GMIP: variants seen among roughly 807,000 people sequenced by gnomAD.
GMIP encodes GEM-interacting protein.
In GMIP, 54 loss-of-function variants were observed where a neutral mutation model predicts 105.3. That is an observed-to-expected ratio of 0.51 (90% confidence interval 0.41 to 0.64). The LOEUF (loss-of-function observed/expected upper bound fraction) is 0.64, where lower values mean the gene tolerates loss of function less well. GMIP is among the 30% of genes least tolerant of loss of function. The pLI is 0.00. For missense variants in GMIP, 1,110 were observed against 1,319.4 expected, an observed-to-expected ratio of 0.84 and a Z score of 2.46; for synonymous variants, 541 against 560.8, an observed-to-expected ratio of 0.96 and a Z score of 0.50.
intron 2 of GMIP, 62 bp from the exon 3 acceptor site, chr19:19,642,113 T>C (rs2061928691): frequency 8.9e-7 from 1 of 1,129,434 alleles, no homozygotes; most frequent in Non-Finnish European, 1.3e-6. Context: ...CAAGGGGTGC[T>C]GGGGACCTTA....
chr19:19,642,102 C>T (rs2061928557), intron 2 of GMIP, 51 bp from the exon 3 acceptor site: 1 of 1,269,100 alleles, frequency 7.9e-7, no homozygotes, highest in Non-Finnish European at 1.1e-6. Context: ...GTCTGTCCTG[C>T]CAAGGGGTGC....
In GMIP at chr19:19,642,571, C is replaced by G. The variant is rs556649623; in HGVS notation, c.68G>C (p.Arg23Pro). ...TGAGATTTCGAGGTTGTCCAGGCTC[C>G]GGAAGATGTCACTGTACCTCTTCCT... Reference protein sequence around the residue: ...EGRKRYSDIFRSLDNLEISLG... With the variant: ...EGRKRYSDIFPSLDNLEISLG... Residue 23 changes from arginine (R) to proline (P), a missense_variant, in exon 2 of 21, where the codon CGG (arginine) becomes CCG (proline). By Grantham distance (103) the Arg-to-Pro change is moderately radical (BLOSUM62 -2). Around this residue, in one of 3 missense-constraint regions of GMIP, gnomAD observed 667 missense variants for 773.2 expected, o/e 0.86. Coordinates refer to ENST00000203556, the MANE Select transcript of GMIP (RefSeq NM_016573.4). 1 of 1,610,900 alleles carries G rather than the reference C, an allele frequency of 6.2e-7. No individual in the cohort carries two copies. The highest frequency in any genetic ancestry group is 8.5e-7 in the Non-Finnish European group (1 of 1,177,578).
Position 19,635,079 on chromosome 19 carries a change from G to A in GMIP, c.1695C>T (p.Pro565=), listed in dbSNP as rs2061839334. ...CAGCCGTGCACTTCGTGACCACAAA[G>A]GGTACCTCCTCCGGGAAGTCCCTGG... The part of the protein sequence containing the change: ...QLPRDFPEEV[P]FVVTKCTAEI... Residue 565 remains proline, a synonymous_variant, in exon 16 of 21, where the codon CCC becomes CCT. Transcript: ENST00000203556. This position sits in a 1 kb window ranked among gnomAD's most constrained non-coding sequence, Gnocchi z 4.7. 6.2e-7 allele frequency: 1 copy of A among 1,614,046 alleles called. No individual in the cohort carries two copies. Among genetic ancestry groups the A allele is most frequent in the Non-Finnish European group, 8.5e-7 (1 of 1,180,006 alleles).
rs1463407523 is a variant in GMIP at position 19,634,943 on chromosome 19, G to A, written c.1750-14C>T. 1.2e-6 allele frequency: 2 copies of A among 1,613,758 alleles called. No homozygotes were observed. The highest frequency in any genetic ancestry group is 2.2e-5 in the East Asian group (1 of 44,890). On this transcript the variant is annotated splice_polypyrimidine_tract_variant and intron_variant, in intron 16 of 20. Coordinates refer to ENST00000203556, the MANE Select transcript of GMIP (RefSeq NM_016573.4). This position sits in a 1 kb window ranked among gnomAD's most constrained non-coding sequence, Gnocchi z 6.1. ...CCGGTAAATGCCCTGCAGGGTGAGG[G>A]TGAAAAACAGACACCTGGTTCGTGA...
At position 19,637,316 on chromosome 19, in the gene GMIP, G is replaced by A; in HGVS notation, c.1124+49C>T. 7.9e-7 allele frequency: 1 copy of A among 1,260,066 alleles called. No individual in the cohort carries two copies. The highest frequency in any genetic ancestry group is 1.1e-6 in the Non-Finnish European group (1 of 913,866). 78.1% of individuals were successfully genotyped at this position (1,260,066 alleles called of 1,614,324 possible). ...ACCAGCCTGCGGTGCCAACAGCCTGGCATCGCGATTCCGGGGCTCGTTCCC... is the reference window on the plus strand; with the variant it reads ...ACCAGCCTGCGGTGCCAACAGCCTGACATCGCGATTCCGGGGCTCGTTCCC... On this transcript the variant is annotated intron_variant, in intron 11 of 20. Coordinates refer to ENST00000203556, the MANE Select transcript of GMIP (RefSeq NM_016573.4). This position sits in a 1 kb window ranked among gnomAD's most constrained non-coding sequence, Gnocchi z 6.7.
chr19:19,635,882 G>A lies in GMIP; in HGVS notation c.1328-161C>T, dbSNP rs889767177. On this transcript the variant is annotated intron_variant, in intron 13 of 20. Coordinates refer to ENST00000203556, the MANE Select transcript of GMIP (RefSeq NM_016573.4). The surrounding 1 kb of genome is among the most constrained non-coding windows in gnomAD (Gnocchi z 4.7). ...TGGAGAATTGGGTCAGCAACCTGAG[G>A]GGGGTGGTTCATAAGCTGGATCAAG... Among the ~76,000 whole-genome samples the A allele has an allele frequency of 6.6e-6, 1 of 152,172 alleles. No individual in the cohort carries two copies. Among genetic ancestry groups the A allele is most frequent in the African/African-American group, 2.4e-5 (1 of 41,440 alleles).
Position 19,634,645 on chromosome 19 carries a change from G to T in GMIP, c.1946C>A (p.Thr649Asn). The T allele has an allele frequency of 1.2e-6, 2 of 1,613,318 alleles. No homozygotes were observed. The highest frequency in any genetic ancestry group is 1.7e-6 in the Non-Finnish European group (2 of 1,179,688). Residue 649 changes from threonine (T) to asparagine (N), a missense_variant, in exon 18 of 21, where the codon ACC (threonine) becomes AAC (asparagine). Physicochemically the swap from Thr to Asn is moderately conservative, Grantham distance 65 (BLOSUM62 0). Transcript: ENST00000203556. This position sits in a 1 kb window ranked among gnomAD's most constrained non-coding sequence, Gnocchi z 6.1. ...GTCGTCCCCAGGGTCTGCATGCAAG[G>T]TCTTAGCCAGAGAGATGAAGGCGTC... ...LYDAFISLAK[T>N]LHADPGDDPG... is the part of the protein sequence containing the mutation.
rs560050171 is a variant in GMIP, at chr19:19,634,762, C to T, written c.1887+30G>A. 2.7e-5 allele frequency: 44 copies of T among 1,611,788 alleles called. 1 individual carries two copies. The South Asian group carries it at 3.2e-4, about 12-fold the overall frequency. ...GGGTGGGCTGTGGAGGGCTCCTGCCCGCGTCCCCCTCAGTGTCCTGAGCAC... is the reference window on the plus strand; with the variant it reads ...GGGTGGGCTGTGGAGGGCTCCTGCCTGCGTCCCCCTCAGTGTCCTGAGCAC... On this transcript the variant is annotated intron_variant, in intron 17 of 20. Coordinates refer to ENST00000203556, the MANE Select transcript of GMIP (RefSeq NM_016573.4). This position sits in a 1 kb window ranked among gnomAD's most constrained non-coding sequence, Gnocchi z 6.1.
At position 19,638,348 on chromosome 19, in the gene GMIP, G is replaced by C. The variant is rs1476053686; in HGVS notation, c.619-19C>G. ...CCTCATTCTGGGGGATGATGAGAAG[G>C]TCAGCGTCCCGGCCTCTCTCTCACC... On this transcript the variant is annotated intron_variant, in intron 8 of 20. Coordinates refer to ENST00000203556, the MANE Select transcript of GMIP (RefSeq NM_016573.4). The C allele has an allele frequency of 1.9e-6, 3 of 1,613,938 alleles. No homozygotes were observed. Among genetic ancestry groups the C allele is most frequent in the Non-Finnish European group, 2.5e-6 (3 of 1,179,990 alleles).
Position 19,636,810 on chromosome 19 carries a change from G to T in GMIP, c.1238-14C>A. 1 of 1,603,850 alleles carries T rather than the reference G, an allele frequency of 6.2e-7. No individual in the cohort carries two copies. Among genetic ancestry groups the T allele is most frequent in the Non-Finnish European group, 8.5e-7 (1 of 1,172,876 alleles). ...GGCCTGGAGTCCCTAGGTGGCACAGGTCAATAAGGATGGTCCCCTGCTCAC... is the reference window on the plus strand; with the variant it reads ...GGCCTGGAGTCCCTAGGTGGCACAGTTCAATAAGGATGGTCCCCTGCTCAC... On this transcript the variant is annotated splice_polypyrimidine_tract_variant and intron_variant, in intron 12 of 20. Transcript: ENST00000203556.
chr19:19,631,930 G>T (rs568870587), intron 19 of GMIP, among the ~76,000 whole-genome samples: 10 of 150,924 alleles, frequency 6.6e-5, no homozygotes, highest in Non-Finnish European at 1.5e-4. Context: ...AGAGCTTGCA[G>T]TGAGCCAAGA....
chr19:19,637,236 C>G lies in GMIP; in HGVS notation c.1124+129G>C, dbSNP rs1013401049. ...AACCCATTCACCCTCCTATGGCCCC[C>G]GAGAGCCTGGAGTACTAAATTCCAC... On this transcript the variant is annotated intron_variant, in intron 11 of 20. Coordinates refer to ENST00000203556, the MANE Select transcript of GMIP (RefSeq NM_016573.4). The surrounding 1 kb of genome is among the most constrained non-coding windows in gnomAD (Gnocchi z 6.7). 3.6e-5 allele frequency: 26 copies of G among 721,154 alleles called. No individual in the cohort carries two copies. The Admixed American group carries it at 5.6e-4, about 15-fold the overall frequency. 44.7% of individuals were successfully genotyped at this position (721,154 alleles called of 1,614,324 possible). A position where few individuals can be genotyped will look rare whatever the true frequency, so the allele number is the denominator to read the frequency against.
chr19:19,642,701 G>A (rs1033941546), intron 1 of GMIP, 82 bp from the exon 2 acceptor site: 1 of 643,082 alleles, frequency 1.6e-6, no homozygotes, highest in Non-Finnish European at 2.9e-6. Flanking sequence ...TTTGGAGGGG[G>A]TGGAAGAGAA....
rs1428866677 is a variant in GMIP, at chr19:19,630,651, G to C, written c.2473-114C>G. On this transcript the variant is annotated intron_variant, in intron 19 of 20. Coordinates refer to ENST00000203556, the MANE Select transcript of GMIP (RefSeq NM_016573.4). The surrounding 1 kb of genome is among the most constrained non-coding windows in gnomAD (Gnocchi z 4.8). ...TGCAAAAGGAATAGCCAGTGCAAAG[G>C]CCCTGAGGTAGGAGCATGCCTGGTA... is the stretch of plus-strand genomic sequence containing the variant. The C allele has an allele frequency of 3.4e-6, 3 of 876,130 alleles. No homozygotes were observed. In the East Asian group the frequency reaches 7.3e-5, roughly 21 times the overall value. The allele number at this position is 876,130 out of a possible 1,614,324, so 54.3% of individuals were successfully genotyped here. A position where few individuals can be genotyped will look rare whatever the true frequency, so the allele number is the denominator to read the frequency against.
chr19:19,640,256 AG>A, intron 6 of GMIP, 39 bp downstream of exon 6: 1 of 1,347,252 alleles, frequency 7.4e-7, no homozygotes. Context: ...GTGGGGTTCT[AG>A]GGGGCTTGGG....
rs1035132253 is a variant in GMIP, at chr19:19,635,883, G to C, written c.1328-162C>G. ...GGAGAATTGGGTCAGCAACCTGAGGGGGGTGGTTCATAAGCTGGATCAAGA... is the reference window on the plus strand; with the variant it reads ...GGAGAATTGGGTCAGCAACCTGAGGCGGGTGGTTCATAAGCTGGATCAAGA... On this transcript the variant is annotated intron_variant, in intron 13 of 20. Coordinates refer to ENST00000203556, the MANE Select transcript of GMIP (RefSeq NM_016573.4). The surrounding 1 kb of genome is among the most constrained non-coding windows in gnomAD (Gnocchi z 4.7). 6.6e-6 allele frequency among the ~76,000 whole-genome samples: 1 copy of C among 152,142 alleles called. No individual in the cohort carries two copies. The highest frequency in any genetic ancestry group is 1.5e-5 in the Non-Finnish European group (1 of 68,030).
chr19:19,640,513 T>C lies in GMIP; in HGVS notation c.297A>G (p.Glu99=), dbSNP rs757011920. Reference sequence around the variant, plus strand: ...CATAGCGGCTCCAGGTCTTGGCATATTCCAGGGCTGCGTCCACACCCCCCT... The same window carrying C: ...CATAGCGGCTCCAGGTCTTGGCATACTCCAGGGCTGCGTCCACACCCCCCT... ...RTKGGVDAAL[E]YAKTWSRYAK... Residue 99 remains glutamate (E), a synonymous_variant, in exon 5 of 21, where the codon GAA becomes GAG. Transcript: ENST00000203556. 2 of 1,614,040 alleles carry C rather than the reference T, an allele frequency of 1.2e-6. No individual in the cohort carries two copies. The highest frequency in any genetic ancestry group is 1.7e-6 in the Non-Finnish European group (2 of 1,179,988).
chr19:19,633,305 G>A (rs2061815182), intron 19 of GMIP, among the ~76,000 whole-genome samples: 1 of 152,108 alleles, frequency 6.6e-6, no homozygotes, highest in Admixed American at 6.5e-5. Flanking sequence ...TGATTTGCCT[G>A]CCCCAGCATC....
At position 19,634,445 on chromosome 19, in the gene GMIP, A is replaced by G. The variant is rs1282189319; in HGVS notation, c.2084+62T>C. ...GTCAGTGTCAGGGGTCAGCCAGGGA[A>G]GTTAGTAGTCGCATGTCCAGGGAAA... is the stretch of plus-strand genomic sequence containing the variant. On this transcript the variant is annotated intron_variant, in intron 18 of 20. Transcript: ENST00000203556. The surrounding 1 kb of genome is among the most constrained non-coding windows in gnomAD (Gnocchi z 6.1). 7.3e-6 allele frequency: 10 copies of G among 1,362,736 alleles called. No individual in the cohort carries two copies. The highest frequency in any genetic ancestry group is 5.9e-5 in the African/African-American group (4 of 68,184). 84.4% of individuals were successfully genotyped at this position (1,362,736 alleles called of 1,614,324 possible).
Sources: gnomAD v4.1 joint callset for allele counts (sites outside exome capture counted in the v4.1 genomes callset) on GRCh38, gnomAD v4.1.1 for gene constraint, gnomAD v4.1.1 regional missense constraint, Gnocchi (gnomAD v3.1) non-coding constraint, MANE v1.5 for transcripts, NCBI Gene and HGNC (gene_info 2026-07-23, HGNC 2026-07-21) for gene names.